ARMC8: variants seen among roughly 807,000 people sequenced by gnomAD.
ARMC8 encodes the protein armadillo repeat-containing protein 8.
A neutral mutation model predicts 99.3 loss-of-function variants in ARMC8; 20 were observed. That is an observed-to-expected ratio of 0.20 (90% CI 0.14 to 0.29). ARMC8 has a LOEUF of 0.29. Among genes scored for constraint, ARMC8 ranks in the 10% least tolerant of loss-of-function variants. The pLI is 1.00. For synonymous variants in ARMC8, 263 were observed against 278.3 expected, an observed-to-expected ratio of 0.95 and a Z score of 0.55; for missense variants, 569 against 809.5, an observed-to-expected ratio of 0.70 and a Z score of 3.60.
chr3:138,249,474 A>G (rs2047029055), intron 12 of ARMC8, among the ~76,000 whole-genome samples: 1 of 151,942 alleles, frequency 6.6e-6, no homozygotes, highest in Non-Finnish European at 1.5e-5. Flanking sequence ...TCTTAATTAG[A>G]AAATATAGAG....
rs1031687582 is a variant in ARMC8, at chr3:138,296,173, T to C, written c.*281T>C. 2.9e-6 allele frequency: 1 copy of C among 346,674 alleles called. No homozygotes were observed. Among genetic ancestry groups the C allele is most frequent in the Admixed American group, 4.9e-5 (1 of 20,512 alleles). 21.5% of individuals were successfully genotyped at this position (346,674 alleles called of 1,614,324 possible). A position where few individuals can be genotyped will look rare whatever the true frequency, so the allele number is the denominator to read the frequency against. The stretch of plus-strand genomic sequence containing the variant: ...CAATCATTTTCCTTTGGACCTACAA[T>C]TTTTGCCTATGCTGCAGCCACTTTG... On this transcript the variant is annotated 3_prime_UTR_variant, in exon 22 of 22. Transcript: ENST00000469044.
At chr3:138,236,019 GAT>G (rs1559968480) in intron 7 of ARMC8, among the ~76,000 whole-genome samples, 2 of 152,186 alleles carry the variant, frequency 1.3e-5, no homozygotes, top group African/African-American at 4.8e-5. Flanking sequence ...TGTTAGCCAG[GAT>G]GGTCTTGATC....
At chr3:138,220,541 C>T (rs2045334702) in intron 2 of ARMC8, among the ~76,000 whole-genome samples, 1 of 152,046 alleles carries the variant, frequency 6.6e-6, no homozygotes, top group Non-Finnish European at 1.5e-5. Context: ...CTGCTTTTAG[C>T]ACATCACTAG....
At position 138,204,212 on chromosome 3, in the gene ARMC8, G is replaced by A. The variant is rs1003768057; in HGVS notation, c.46-5605G>A. Among the ~76,000 whole-genome samples, 3 of 152,088 alleles carry A rather than the reference G, an allele frequency of 2.0e-5. No individual in the cohort carries two copies. In the East Asian group the frequency reaches 5.8e-4, roughly 29 times the overall value. On this transcript the variant is annotated intron_variant, in intron 1 of 21. Coordinates refer to ENST00000469044, the MANE Select transcript of ARMC8 (RefSeq NM_001363941.2). ...TGGATCAAGCGATTCTTGTGCCTCA[G>A]CCTCCTGAATAGCTGGGATTACAGT... is the stretch of plus-strand genomic sequence containing the variant.
intron 1 of ARMC8, among the ~76,000 whole-genome samples, chr3:138,194,616 G>A (rs1290746109): frequency 6.6e-6 from 1 of 151,980 alleles, no homozygotes; most frequent in African/African-American, 2.4e-5. Context: ...GGGATTACAG[G>A]CGTGAGCCAC....
At chr3:138,261,217 T>C (rs1576812632) in intron 12 of ARMC8, among the ~76,000 whole-genome samples, 1 of 152,182 alleles carries the variant, frequency 6.6e-6, no homozygotes, top group African/African-American at 2.4e-5. Flanking sequence ...ACTAGTTTAA[T>C]GGAATGCGAA....
intron 12 of ARMC8, chr3:138,245,727 GA>G (rs1460788864): frequency 1.7e-5 from 17 of 991,870 alleles, no homozygotes; most frequent in Non-Finnish European, 2.0e-5. Context: ...CAGCTCCCCA[GA>G]AAATGTATGC....
In ARMC8 at chr3:138,235,018, T is replaced by C; in HGVS notation, c.529-16T>C. 1 of 1,604,022 alleles carries C rather than the reference T, an allele frequency of 6.2e-7. No individual in the cohort carries two copies. ...TTACTCTTCTAAATATATTGTTGTA[T>C]TCTTTTTTCTTACAGGGGCCAGATC... is the stretch of plus-strand genomic sequence containing the variant. On this transcript the variant is annotated splice_polypyrimidine_tract_variant and intron_variant, in intron 6 of 21. Coordinates refer to ENST00000469044, the MANE Select transcript of ARMC8 (RefSeq NM_001363941.2).
At chr3:138,290,677 G>C in intron 21 of ARMC8, 38 bp downstream of exon 21, 1 of 1,415,752 alleles carries the variant, frequency 7.1e-7, no homozygotes, top group South Asian at 1.2e-5. Flanking sequence ...TTTGGGCTGT[G>C]TTGGATTCTT....
chr3:138,263,456 C>G (rs891341249), intron 12 of ARMC8: 1 of 400,266 alleles, frequency 2.5e-6, no homozygotes, highest in Non-Finnish European at 4.6e-6. Flanking sequence ...CATAACACCT[C>G]TGCAGTACTT....
chr3:138,273,334 G>A lies in ARMC8; in HGVS notation c.1629+218G>A, dbSNP rs368060516. ...ACCCCCTATTCTCCACTCCTACACT[G>A]CTTATCCTGTCTCCCTCTAATCCCT... On this transcript the variant is annotated intron_variant, in intron 17 of 21. Transcript: ENST00000469044. 8.7e-4 allele frequency among the ~76,000 whole-genome samples: 133 copies of A among 152,294 alleles called. 1 individual carries two copies. The highest frequency in any genetic ancestry group is 3.0e-3 in the African/African-American group (126 of 41,544).
intron 12 of ARMC8, among the ~76,000 whole-genome samples, chr3:138,251,349 C>T (rs1245913230): frequency 2.0e-5 from 3 of 152,018 alleles, no homozygotes; most frequent in African/African-American, 7.2e-5. Flanking sequence ...TTTTGTCTAC[C>T]GTGAAATCAG....
chr3:138,223,452 G>A lies in ARMC8; in HGVS notation c.258G>A (p.Val86=). 1.2e-6 allele frequency: 2 copies of A among 1,614,158 alleles called. No homozygotes were observed. The highest frequency in any genetic ancestry group is 1.7e-6 in the Non-Finnish European group (2 of 1,180,000). Residue 86 remains valine (V), a synonymous_variant, in exon 4 of 22, where the codon GTG becomes GTA. Coordinates refer to ENST00000469044, the MANE Select transcript of ARMC8 (RefSeq NM_001363941.2). ...STELKTECAV[V]LGSLAMGTEN... ...AGCTGAAAACTGAATGTGCAGTGGTGTTGGGAAGTCTTGCTATGGGTACTG... is the reference window on the plus strand; with the variant it reads ...AGCTGAAAACTGAATGTGCAGTGGTATTGGGAAGTCTTGCTATGGGTACTG...
chr3:138,241,317 A>G (rs1469450783), intron 10 of ARMC8, among the ~76,000 whole-genome samples: 1 of 152,204 alleles, frequency 6.6e-6, no homozygotes, highest in Non-Finnish European at 1.5e-5. Context: ...AACTGTAGGT[A>G]TGACTCCCCA....
intron 16 of ARMC8, among the ~76,000 whole-genome samples, chr3:138,271,368 A>G (rs1300526687): frequency 6.6e-6 from 1 of 152,116 alleles, no homozygotes; most frequent in Non-Finnish European, 1.5e-5. Context: ...CAGGGACTTC[A>G]TCTCATAACA....
intron 1 of ARMC8, among the ~76,000 whole-genome samples, chr3:138,199,847 G>A (rs1015410446): frequency 4.6e-5 from 7 of 152,224 alleles, no homozygotes; most frequent in African/African-American, 1.7e-4. Context: ...GATCTGAGCA[G>A]TGTACTTGGT....
chr3:138,289,173 C>A, intron 20 of ARMC8, 53 bp downstream of exon 20: 2 of 1,418,216 alleles, frequency 1.4e-6, no homozygotes, highest in Non-Finnish European at 2.0e-6. Flanking sequence ...GAGTGTCTTG[C>A]ACAGGGAAGC....
intron 5 of ARMC8, among the ~76,000 whole-genome samples, chr3:138,228,511 A>G (rs1254692594): frequency 6.6e-6 from 1 of 152,222 alleles, no homozygotes; most frequent in Non-Finnish European, 1.5e-5. Flanking sequence ...AACATCTCGG[A>G]GATCAAAATT....
intron 10 of ARMC8, among the ~76,000 whole-genome samples, chr3:138,240,989 G>A (rs901576479): frequency 5.9e-5 from 9 of 152,206 alleles, no homozygotes; most frequent in African/African-American, 1.7e-4. Flanking sequence ...GGCAGAGGTT[G>A]CAGTGAGCCG....
Sources: gnomAD v4.1 joint callset for allele counts (sites outside exome capture counted in the v4.1 genomes callset) on GRCh38, gnomAD v4.1.1 for gene constraint, MANE v1.5 for transcripts, NCBI Gene and HGNC (gene_info 2026-07-23, HGNC 2026-07-21) for gene names.